The following SYT2 variants were observed in gnomAD, a reference collection of about 807,000 sequenced individuals.
The protein encoded by SYT2 is synaptotagmin-2.
Under a neutral mutation model 39.9 loss-of-function variants are expected in SYT2, and 15 were observed. The observed-to-expected ratio is 0.38, with a 90% CI of 0.25 to 0.58. The LOEUF (loss-of-function observed/expected upper bound fraction) is 0.58, where lower values mean the gene tolerates loss of function less well. Ranked by LOEUF, SYT2 falls within the 20% of genes least tolerant of loss-of-function variation. The pLI, the probability that SYT2 is intolerant of heterozygous loss-of-function variation, is 0.70. For missense variants in SYT2, 389 were observed against 530.3 expected (o/e 0.73, Z 2.62); for synonymous variants, 181 against 204.5 (o/e 0.89, Z 0.98).
intron 1 of SYT2, among the ~76,000 whole-genome samples, chr1:202,662,196 G>A (rs1292969718): frequency 6.6e-6 from 1 of 152,182 alleles, no homozygotes; most frequent in Non-Finnish European, 1.5e-5. Context: ...ACACACCATG[G>A]GCAAAGACCA....
intron 1 of SYT2, among the ~76,000 whole-genome samples, chr1:202,610,313 G>A (rs6665444): frequency 0.33 from 50,557 of 151,888 alleles, 8,743 homozygotes; most frequent in Non-Finnish European, 0.38. Flanking sequence ...TTTGAAGTCA[G>A]GTACTGTGAT....
chr1:202,602,652 G>A, intron 4 of SYT2, 107 bp from the exon 5 acceptor site: 2 of 1,182,968 alleles, frequency 1.7e-6, no homozygotes, highest in South Asian at 1.5e-5. Flanking sequence ...GAGGCAGTTG[G>A]GGCAGGGAAA....
chr1:202,702,194 C>A (rs1000029093), intron 1 of SYT2, among the ~76,000 whole-genome samples: 1 of 152,196 alleles, frequency 6.6e-6, no homozygotes. Flanking sequence ...GGGTGGAGCA[C>A]GCCTCCCTGG....
intron 1 of SYT2, among the ~76,000 whole-genome samples, chr1:202,701,354 T>C (rs1203090392): frequency 6.6e-6 from 1 of 152,242 alleles, no homozygotes; most frequent in Non-Finnish European, 1.5e-5. Flanking sequence ...CTCAAACAGA[T>C]GCACAGGTGA....
chr1:202,672,932 A>G (rs899885572), intron 1 of SYT2, among the ~76,000 whole-genome samples: 3 of 151,754 alleles, frequency 2.0e-5, no homozygotes, highest in African/African-American at 7.3e-5. Flanking sequence ...TATCACAGGA[A>G]AACTGCAGAA....
intron 1 of SYT2, among the ~76,000 whole-genome samples, chr1:202,625,418 G>C (rs555751589): frequency 1.3e-5 from 2 of 149,826 alleles, no homozygotes; most frequent in Non-Finnish European, 3.0e-5. Context: ...TGTGTGTGGC[G>C]TGGACTGGGA....
rs1019162736 is a variant in SYT2, at chr1:202,614,857, C to T, written c.-17-9068G>A. 2.6e-5 allele frequency among the ~76,000 whole-genome samples: 4 copies of T among 152,040 alleles called. No individual in the cohort carries two copies. Among genetic ancestry groups the T allele is most frequent in the African/African-American group, 4.8e-5 (2 of 41,356 alleles). ...ACGGTTCAGGGTGAGGCTGGCAGGC[C>T]GGGCAGGGCAGGATCAGGAGCACCA... On this transcript the variant is annotated intron_variant, in intron 1 of 8. Transcript: ENST00000367268. This position sits in a 1 kb window ranked among gnomAD's most constrained non-coding sequence, Gnocchi z 4.0.
intron 1 of SYT2, chr1:202,639,986 G>T: frequency 3.5e-6 from 1 of 284,480 alleles, no homozygotes; most frequent in Non-Finnish European, 5.3e-6. Flanking sequence ...CCTATTCCAG[G>T]TTGGTAATAT....
chr1:202,660,017 C>G (rs1692348987), intron 1 of SYT2, among the ~76,000 whole-genome samples: 1 of 152,146 alleles, frequency 6.6e-6, no homozygotes, highest in African/African-American at 2.4e-5. Flanking sequence ...ATTCTCTGCC[C>G]AAGAATCTCT....
chr1:202,661,355 C>A (rs995475899), intron 1 of SYT2, among the ~76,000 whole-genome samples: 2 of 151,900 alleles, frequency 1.3e-5, no homozygotes, highest in African/African-American at 4.8e-5. Flanking sequence ...CTATGCCAAG[C>A]AGAAGCAGCC....
intron 1 of SYT2, chr1:202,627,701 A>C (rs1166592756): frequency 1.2e-6 from 1 of 866,830 alleles, no homozygotes; most frequent in African/African-American, 1.8e-5. Flanking sequence ...AAACTTGAAA[A>C]TAACCCCTAG....
intron 1 of SYT2, among the ~76,000 whole-genome samples, chr1:202,669,248 G>A (rs1026594435): frequency 6.6e-6 from 1 of 152,182 alleles, no homozygotes; most frequent in East Asian, 1.9e-4. Context: ...GCACAGGCAT[G>A]ATGGCTCACA....
intron 1 of SYT2, among the ~76,000 whole-genome samples, chr1:202,650,659 A>T (rs1692173850): frequency 6.6e-6 from 1 of 152,192 alleles, no homozygotes; most frequent in African/African-American, 2.4e-5. Flanking sequence ...GCCCTGGGAT[A>T]GAGTGCTCTG....
chr1:202,640,148 G>A (rs149974926), intron 1 of SYT2, among the ~76,000 whole-genome samples: 2 of 152,154 alleles, frequency 1.3e-5, no homozygotes, highest in Admixed American at 6.5e-5. Flanking sequence ...ACTGAGAAGG[G>A]GAGGTCATCG....
intron 1 of SYT2, chr1:202,632,380 C>T (rs534255281): frequency 6.5e-5 from 13 of 199,354 alleles, no homozygotes; most frequent in African/African-American, 2.4e-4. Flanking sequence ...TAGTGAGACA[C>T]GCAGATATTG....
chr1:202,709,984 G>C (rs1271783656), intron 1 of SYT2, among the ~76,000 whole-genome samples: 1 of 151,874 alleles, frequency 6.6e-6, no homozygotes, highest in Non-Finnish European at 1.5e-5. Context: ...AGCAACCCGC[G>C]GGAGGAAATC....
chr1:202,668,387 T>C (rs1692519634), intron 1 of SYT2, among the ~76,000 whole-genome samples: 1 of 152,224 alleles, frequency 6.6e-6, no homozygotes, highest in Non-Finnish European at 1.5e-5. Flanking sequence ...GTTGATAGCA[T>C]ATTACTCAAA....
At chr1:202,691,363 A>AT (rs1415554930) in intron 1 of SYT2, among the ~76,000 whole-genome samples, 1 of 152,042 alleles carries the variant, frequency 6.6e-6, no homozygotes, top group Admixed American at 6.5e-5. Context: ...AGACATGTAG[A>AT]TTGGCCAGGC....
In SYT2 at chr1:202,613,096, T is replaced by C. The variant is rs6688283; in HGVS notation, c.-17-7307A>G. On this transcript the variant is annotated intron_variant, in intron 1 of 8. Coordinates refer to ENST00000367268, the MANE Select transcript of SYT2 (RefSeq NM_177402.5). ...TTTTTTTTTTTTTTTTTTTTTTTTT[T>C]TCCAGACAGAGTCTCGCTCTGTCGC... 2.5e-3 allele frequency among the ~76,000 whole-genome samples: 27 copies of C among 11,018 alleles called. 2 individuals carry two copies. In the East Asian group the frequency reaches 0.06, roughly 24 times the overall value. 7.2% of individuals were successfully genotyped at this position (11,018 alleles called of 152,430 possible). A position where few individuals can be genotyped will look rare whatever the true frequency, so the allele number is the denominator to read the frequency against.
Sources: gnomAD v4.1 joint callset for allele counts (sites outside exome capture counted in the v4.1 genomes callset) on GRCh38, gnomAD v4.1.1 for gene constraint, Gnocchi (gnomAD v3.1) non-coding constraint, MANE v1.5 for transcripts, NCBI Gene and HGNC (gene_info 2026-07-23, HGNC 2026-07-21) for gene names.